The following SLC30A10 variants were observed in gnomAD, a reference collection of about 807,000 sequenced individuals.
SLC30A10 encodes the protein solute carrier family 30 member 10, also known as calcium/manganese antiporter SLC30A10.
Under a neutral mutation model 21.7 loss-of-function variants are expected in SLC30A10, and 8 were observed. That is an observed-to-expected ratio of 0.37 (90% CI 0.22 to 0.67). The LOEUF (loss-of-function observed/expected upper bound fraction) is 0.67. Among genes scored for constraint, SLC30A10 ranks in the 30% least tolerant of loss-of-function variants. SLC30A10 has a pLI of 0.58. For missense variants in SLC30A10, 521 were observed against 642.5 expected (o/e 0.81, Z 2.04); for synonymous variants, 272 against 279.4 (o/e 0.97, Z 0.26).
chr1:219,932,430 GT>G (rs1305009497), upstream of SLC30A10, among the ~76,000 whole-genome samples: 7 of 151,340 alleles, frequency 4.6e-5, no homozygotes, highest in Non-Finnish European at 7.4e-5. Context: ...TTAACAATTA[GT>G]TTTTTTTTAG....
chr1:219,916,543 T>A (rs555722715), intron 3 of SLC30A10, among the ~76,000 whole-genome samples: 1 of 152,362 alleles, frequency 6.6e-6, no homozygotes, highest in South Asian at 2.1e-4. Flanking sequence ...ATTGCTAAAC[T>A]GTGTGTATGG....
chr1:219,916,121 T>A (rs1659536432), intron 3 of SLC30A10, among the ~76,000 whole-genome samples, 173 bp from the exon 4 acceptor site: 2 of 152,224 alleles, frequency 1.3e-5, no homozygotes, highest in Admixed American at 1.3e-4. Flanking sequence ...TTAACCTTCT[T>A]TCTCCACACA....
At chr1:219,945,292 T>C (rs1431928501) in intron 1 of SLC30A10, among the ~76,000 whole-genome samples, 2 of 152,204 alleles carry the variant, frequency 1.3e-5, no homozygotes, top group Non-Finnish European at 2.9e-5. Flanking sequence ...CGTAGAATTA[T>C]ATAACTCATT....
intron 1 of SLC30A10, among the ~76,000 whole-genome samples, chr1:219,934,449 G>GT (rs1303445263): frequency 6.6e-6 from 1 of 151,510 alleles, no homozygotes; most frequent in African/African-American, 2.4e-5. Context: ...GGTAACAAAA[G>GT]TGAGACTCCA....
intron 1 of SLC30A10, among the ~76,000 whole-genome samples, chr1:219,956,085 A>G (rs1660345496): frequency 6.6e-6 from 1 of 152,242 alleles, no homozygotes; most frequent in African/African-American, 2.4e-5. Flanking sequence ...AAGGTGATAC[A>G]TAACTGCAGA....
chr1:219,929,407 C>T (rs577270928), upstream of SLC30A10, among the ~76,000 whole-genome samples: 8 of 152,298 alleles, frequency 5.3e-5, no homozygotes, highest in African/African-American at 1.9e-4. Flanking sequence ...CCTCTGTGTA[C>T]TTGTCTCATT....
Position 219,911,149 on chromosome 1 carries a change from GTTT to G in SLC30A10, c.*4297_*4299del. 6.7e-4 allele frequency among the ~76,000 whole-genome samples: 33 copies of G among 49,422 alleles called. 1 individual carries two copies. The South Asian group carries it at 6.9e-3, about 10-fold the overall frequency. The allele number at this position is 49,422 out of a possible 152,430, so 32.4% of individuals were successfully genotyped here. A position where few individuals can be genotyped will look rare whatever the true frequency, so the allele number is the denominator to read the frequency against. ...ATGTTTCTTCATTTTTTCTACATCA[GTTT>G]TTTTTTTTTTTTTTTTTTTTTTGCA... On this transcript the variant is annotated 3_prime_UTR_variant, in exon 4 of 4. Coordinates refer to ENST00000366926, the MANE Select transcript of SLC30A10 (RefSeq NM_018713.3).
chr1:219,939,319 C>T (rs1353565554), intron 1 of SLC30A10, among the ~76,000 whole-genome samples: 1 of 152,204 alleles, frequency 6.6e-6, no homozygotes, highest in African/African-American at 2.4e-5. Context: ...CCTCTCAAAG[C>T]TGTGAATGCC....
At chr1:219,955,395 AG>A (rs1660335002) in intron 1 of SLC30A10, among the ~76,000 whole-genome samples, 1 of 152,222 alleles carries the variant, frequency 6.6e-6, no homozygotes. Flanking sequence ...CCCACCGGCT[AG>A]ATCTGGATCT....
intron 2 of SLC30A10, among the ~76,000 whole-genome samples, chr1:219,919,760 G>C (rs900368986): frequency 1.2e-4 from 17 of 140,344 alleles, no homozygotes; most frequent in Non-Finnish European, 2.4e-4. Flanking sequence ...TGGGCAACAA[G>C]AGTGAAACTC....
chr1:219,927,642 A>T (rs1659864253), intron 1 of SLC30A10, among the ~76,000 whole-genome samples, 159 bp downstream of exon 1: 1 of 18,614 alleles, frequency 5.4e-5, no homozygotes, highest in African/African-American at 8.9e-4. Flanking sequence ...ATTTATTAAA[A>T]AAAAAAAAAA....
intron 1 of SLC30A10, among the ~76,000 whole-genome samples, chr1:219,944,379 C>T (rs1192473291): frequency 6.8e-5 from 10 of 146,504 alleles, no homozygotes; most frequent in East Asian, 2.1e-4. Context: ...ACCTGGGAGG[C>T]GGAGCTTGCA....
intron 1 of SLC30A10, among the ~76,000 whole-genome samples, chr1:219,939,517 C>T (rs969735737): frequency 6.6e-6 from 1 of 152,050 alleles, no homozygotes; most frequent in Non-Finnish European, 1.5e-5. Flanking sequence ...CAACCTCCAC[C>T]CCCCCAGGTT....
chr1:219,951,080 C>T (rs1660261886), intron 1 of SLC30A10, among the ~76,000 whole-genome samples: 1 of 152,180 alleles, frequency 6.6e-6, no homozygotes, highest in Non-Finnish European at 1.5e-5. Context: ...CCCACCTCAG[C>T]TTCCCAAGTA....
At chr1:219,942,598 T>A (rs1185182331) in intron 1 of SLC30A10, among the ~76,000 whole-genome samples, 2 of 152,194 alleles carry the variant, frequency 1.3e-5, no homozygotes, top group Non-Finnish European at 2.9e-5. Flanking sequence ...TAATAATAAC[T>A]CAGGCAAACA....
chr1:219,926,939 T>G, intron 2 of SLC30A10, 89 bp downstream of exon 2: 1 of 1,035,632 alleles, frequency 9.7e-7, no homozygotes, highest in Non-Finnish European at 1.5e-6. Flanking sequence ...AAACACACCT[T>G]TGCCTTATTA....
chr1:219,940,241 G>C (rs1343009892), intron 1 of SLC30A10, among the ~76,000 whole-genome samples: 1 of 152,162 alleles, frequency 6.6e-6, no homozygotes, highest in Non-Finnish European at 1.5e-5. Context: ...AAGCCAAGAC[G>C]CAAGGAGCAG....
chr1:219,952,387 A>C (rs1454784593), intron 1 of SLC30A10, among the ~76,000 whole-genome samples: 5 of 152,222 alleles, frequency 3.3e-5, no homozygotes, highest in Admixed American at 3.3e-4. Context: ...ATTAGGATTC[A>C]ACTTATGGTA....
At position 219,927,985 on chromosome 1, in the gene SLC30A10, C is replaced by A; in HGVS notation, c.456G>T (p.Leu152=). The A allele has an allele frequency of 6.4e-7, 1 of 1,551,668 alleles. No individual in the cohort carries two copies. Among genetic ancestry groups the A allele is most frequent in the Non-Finnish European group, 8.7e-7 (1 of 1,148,606 alleles). ...ACCLRGRSRR[L]QQRQQLAEGC... is the part of the protein sequence containing the mutation. ...CCTCCGCCAGCTGCTGCCGCTGCTGCAGGCGGCGACTGCGTCCCCGGAGGC... is the reference window on the plus strand; with the variant it reads ...CCTCCGCCAGCTGCTGCCGCTGCTGAAGGCGGCGACTGCGTCCCCGGAGGC... Residue 152 remains leucine (L), a synonymous_variant, in exon 1 of 4, where the codon CTG becomes CTT. Coordinates refer to ENST00000366926, the MANE Select transcript of SLC30A10 (RefSeq NM_018713.3).
Sources: allele counts gnomAD v4.1 joint callset (sites outside exome capture counted in the v4.1 genomes callset), GRCh38; gene constraint gnomAD v4.1.1; transcripts MANE v1.5; gene names NCBI Gene and HGNC (gene_info 2026-07-23, HGNC 2026-07-21).